Variants in CREB3 observed in about 807,000 individuals in gnomAD.
CREB3 encodes the protein cAMP responsive element binding protein 3, also known as cyclic AMP-responsive element-binding protein 3.
Under a neutral mutation model 34.5 loss-of-function variants are expected in CREB3, and 29 were observed. The observed-to-expected ratio is 0.84, with a 90% CI of 0.63 to 1.15. CREB3 has a LOEUF of 1.15. Ranked by LOEUF, CREB3 falls within the 50% of genes most tolerant of loss-of-function variation. The pLI is 0.00. For synonymous variants in CREB3, 187 were observed against 173.9 expected (o/e 1.08, Z -0.59); for missense variants, 447 against 443.4 (o/e 1.01, Z -0.07).
chr9:35,733,312 C>G (rs371479217), intron 3 of CREB3, 30 bp downstream of exon 3: 6 of 1,613,312 alleles, frequency 3.7e-6, no homozygotes, highest in Non-Finnish European at 5.1e-6. Context: ...GGAGATTACT[C>G]TCACATTCCC....
rs761983505 is a variant in CREB3, at chr9:35,732,821, C to T, written c.49C>T (p.Leu17=). The T allele has an allele frequency of 2.8e-5, 45 of 1,614,090 alleles. No individual in the cohort carries two copies. Among genetic ancestry groups the T allele is most frequent in the Non-Finnish European group, 3.6e-5 (43 of 1,180,032 alleles). ...TGACCAAGACCTGCTGGCCTTCCTGCTAGAGGAAAGTGGAGATTTGGGGAC... is the reference window on the plus strand; with the variant it reads ...TGACCAAGACCTGCTGGCCTTCCTGTTAGAGGAAAGTGGAGATTTGGGGAC... ...AGDQDLLAFL[L]EESGDLGTAP... is the part of the protein sequence containing the mutation. Residue 17 remains leucine, a synonymous_variant, in exon 1 of 9, where the codon CTA becomes TTA. Transcript: ENST00000353704. The surrounding 1 kb of genome is among the most constrained non-coding windows in gnomAD (Gnocchi z 5.1).
rs749550389 is a variant in CREB3, at chr9:35,733,074, T to A, written c.208T>A (p.Ser70Thr). 1 of 1,614,198 alleles carries A rather than the reference T, an allele frequency of 6.2e-7. No homozygotes were observed. The highest frequency in any genetic ancestry group is 8.5e-7 in the Non-Finnish European group (1 of 1,180,036). ...AGCGTCGTTGAACATTCTCAGCTCC[T>A]CCAACCCCTGCCTTGTCCACCATGA... ...PPASLNILSS[S>T]NPCLVHHDHT... The change falls in exon 2 of 9, where the codon TCC (serine) becomes ACC (threonine). Residue 70 changes from serine (S) to threonine (T), a missense_variant. Ser to Thr is a moderately conservative substitution (Grantham distance 58). Transcript: ENST00000353704.
In CREB3 at chr9:35,736,109, A is replaced by G. The variant is rs748371725; in HGVS notation, c.673A>G (p.Ser225Gly). 5 of 1,613,378 alleles carry G rather than the reference A, an allele frequency of 3.1e-6. No homozygotes were observed. The highest frequency in any genetic ancestry group is 3.4e-6 in the Non-Finnish European group (4 of 1,179,268). Reference sequence around the variant, plus strand: ...GGTGATTGAGATATCAAACAAAACCAGCAGCAGCAGCACCTGCATCTTGGT... The same window carrying G: ...GGTGATTGAGATATCAAACAAAACCGGCAGCAGCAGCACCTGCATCTTGGT... ...AMVIEISNKT[S>G]SSSTCILVLL... Residue 225 changes from serine (S) to glycine (G), a missense_variant, in exon 7 of 9, where the codon AGC becomes GGC. Transcript: ENST00000353704.
intron 6 of CREB3, 86 bp downstream of exon 6, chr9:35,735,460 A>G: frequency 8.1e-7 from 1 of 1,238,500 alleles, no homozygotes; most frequent in Non-Finnish European, 1.2e-6. Flanking sequence ...TTGATTTCTA[A>G]CTGGGCAGCT....
chr9:35,733,350 C>G, intron 3 of CREB3, 46 bp from the exon 4 acceptor site: 1 of 1,608,888 alleles, frequency 6.2e-7, no homozygotes. Flanking sequence ...CCCCATTCCT[C>G]TCTGACATCC....
rs1341005657 is a variant in CREB3 at position 35,736,960 on chromosome 9, CAG to C, written c.*235_*236del. ...GACCTCCCTGAACATTTCACGCAGT[CAG>C]GGAACAGGTGAGGAAAGAAATAAAT... On this transcript the variant is annotated 3_prime_UTR_variant, in exon 9 of 9. Transcript: ENST00000353704. The C allele has an allele frequency of 1.2e-6, 1 of 830,124 alleles. No homozygotes were observed. The highest frequency in any genetic ancestry group is 1.8e-6 in the Non-Finnish European group (1 of 546,270). The allele number at this position is 830,124 out of a possible 1,614,324, so 51.4% of individuals were successfully genotyped here.
In CREB3 at chr9:35,733,036, T is replaced by G; in HGVS notation, c.170T>G (p.Leu57Arg). The part of the protein sequence containing the change: ...DWEVDDLLCS[L>R]LSPPASLNIL... ...GAAGTAGATGATTTGCTGTGCTCCC[T>G]GCTGAGTCCCCCAGCGTCGTTGAAC... Residue 57 changes from leucine to arginine, a missense_variant, in exon 2 of 9, where the codon CTG becomes CGG. By Grantham distance (102) the Leu-to-Arg change is moderately radical (BLOSUM62 -2). Coordinates refer to ENST00000353704, the MANE Select transcript of CREB3 (RefSeq NM_006368.5). 1 of 1,614,268 alleles carries G rather than the reference T, an allele frequency of 6.2e-7. No individual in the cohort carries two copies. Among genetic ancestry groups the G allele is most frequent in the Non-Finnish European group, 8.5e-7 (1 of 1,180,044 alleles).
Position 35,732,673 on chromosome 9 carries a change from G to C in CREB3, c.-100G>C, listed in dbSNP as rs1326573134. 3.4e-6 allele frequency: 5 copies of C among 1,484,344 alleles called. No homozygotes were observed. In the East Asian group the frequency reaches 1.1e-4, roughly 34 times the overall value. The allele number at this position is 1,484,344 out of a possible 1,614,324, so 91.9% of individuals were successfully genotyped here. ...CGGCGGGGAATCCCGGCCGTAGAGG[G>C]ACAGTGGATAGGTGCCCGAGGCCTA... On this transcript the variant is annotated 5_prime_UTR_variant, in exon 1 of 9. Transcript: ENST00000353704. This position sits in a 1 kb window ranked among gnomAD's most constrained non-coding sequence, Gnocchi z 5.1.
Position 35,735,173 on chromosome 9 carries a change from G to A in CREB3, c.500G>A (p.Ser167Asn), listed in dbSNP as rs973209337. The A allele has an allele frequency of 6.2e-7, 1 of 1,603,450 alleles. No individual in the cohort carries two copies. Among genetic ancestry groups the A allele is most frequent in the Non-Finnish European group, 8.5e-7 (1 of 1,177,548 alleles). ...CGAAATAAAAGATCTGCTCAAGAGA[G>A]CCGCAGGAAAAAGAAGGTGTATGTT... is the stretch of plus-strand genomic sequence containing the variant. ...KIRNKRSAQE[S>N]RRKKKVYVGG... Residue 167 changes from serine (S) to asparagine (N), a missense_variant, in exon 5 of 9, where the codon AGC (serine) becomes AAC (asparagine). By Grantham distance (46) the Ser-to-Asn change is conservative (BLOSUM62 1). Transcript: ENST00000353704.
At chr9:35,734,083 C>G (rs1826149934) in intron 4 of CREB3, among the ~76,000 whole-genome samples, 2 of 152,106 alleles carry the variant, frequency 1.3e-5, no homozygotes, top group Admixed American at 1.3e-4. Context: ...AGGTGATTCT[C>G]CCACCTCAGC....
rs118043069 is a variant in CREB3 at position 35,736,731 on chromosome 9, G to T, written c.*5G>T. 4,741 of 1,596,980 alleles carry T rather than the reference G, an allele frequency of 3.0e-3. 10 individuals are homozygous for T. Among genetic ancestry groups the T allele is most frequent in the Middle Eastern group, 7.4e-3 (44 of 5,948 alleles). On this transcript the variant is annotated 3_prime_UTR_variant, in exon 9 of 9. Transcript: ENST00000353704. Reference sequence around the variant, plus strand: ...CAGGACAGATACTCAGGCTAGATATGAGGATATGTGGGGGGTCTCAGCAGG... The same window carrying T: ...CAGGACAGATACTCAGGCTAGATATTAGGATATGTGGGGGGTCTCAGCAGG...
chr9:35,733,138 A>T lies in CREB3; in HGVS notation c.272A>T (p.Asp91Val), dbSNP rs1373952025. 6.2e-7 allele frequency: 1 copy of T among 1,614,118 alleles called. No individual in the cohort carries two copies. Among genetic ancestry groups the T allele is most frequent in the Non-Finnish European group, 8.5e-7 (1 of 1,180,018 alleles). ...CTCCCACGGGAAACTGTCTCTATGG[A>T]TCTAGGTGAGTCTGAAATAAGTTTG... ...YSLPRETVSM[D>V]LESESCRKEG... Residue 91 changes from aspartate to valine, a missense_variant, in exon 2 of 9, where the codon GAT becomes GTT. Transcript: ENST00000353704.
Position 35,733,464 on chromosome 9 carries a change from T to C in CREB3, c.414T>C (p.Pro138=). The C allele has an allele frequency of 1.2e-6, 2 of 1,612,750 alleles. No individual in the cohort carries two copies. Among genetic ancestry groups the C allele is most frequent in the Non-Finnish European group, 1.7e-6 (2 of 1,178,718 alleles). Residue 138 remains proline, a synonymous_variant, in exon 4 of 9, where the codon CCT becomes CCC. Transcript: ENST00000353704. The part of the protein sequence containing the change: ...SLLEKEGLIL[P]ETLPLTKTEE... Reference sequence around the variant, plus strand: ...TGGAGAAGGAGGGGCTTATTCTGCCTGAGACACTTCCTCTCACTAAGGTAA... The same window carrying C: ...TGGAGAAGGAGGGGCTTATTCTGCCCGAGACACTTCCTCTCACTAAGGTAA...
At chr9:35,733,193 A>AT in intron 2 of CREB3, 22 bp from the exon 3 acceptor site, 1 of 1,614,168 alleles carries the variant, frequency 6.2e-7, no homozygotes, top group Non-Finnish European at 8.5e-7. Flanking sequence ...GGGCCTGGCT[A>AT]TTCATACTTT....
rs538949017 is a variant in CREB3, at chr9:35,736,033, C to G, written c.612-15C>G. The G allele has an allele frequency of 6.2e-7, 1 of 1,605,720 alleles. No homozygotes were observed. The highest frequency in any genetic ancestry group is 2.2e-5 in the East Asian group (1 of 44,826). On this transcript the variant is annotated splice_polypyrimidine_tract_variant and intron_variant, in intron 6 of 8. Transcript: ENST00000353704. ...GGCCAGGGGATGCTCACTATTGGCC[C>G]CTCTCTTCCTCTAGGTCCCTTCTAG... is the stretch of plus-strand genomic sequence containing the variant.
Position 35,735,110 on chromosome 9 carries a change from CAG to C in CREB3, c.440_441del (p.Glu147GlyfsTer14). ...ATCCCTTTCCCTGTTTCCTTTCAGA[CAG>C]AGGAACAAATTCTGAAACGTGTGCG... On this transcript the variant is annotated frameshift_variant and splice_region_variant, in exon 5 of 9. Transcript: ENST00000353704. LOFTEE classifies it high-confidence loss of function. 1 of 1,598,534 alleles carries C rather than the reference CAG, an allele frequency of 6.3e-7. No individual in the cohort carries two copies. Among genetic ancestry groups the C allele is most frequent in the Non-Finnish European group, 8.5e-7 (1 of 1,175,992 alleles).
chr9:35,733,076 C>T lies in CREB3; in HGVS notation c.210C>T (p.Ser70=), dbSNP rs774627818. 8 of 1,614,210 alleles carry T rather than the reference C, an allele frequency of 5.0e-6. No homozygotes were observed. The Middle Eastern group carries it at 4.9e-4, about 100-fold the overall frequency. ...PPASLNILSS[S]NPCLVHHDHT... ...CGTCGTTGAACATTCTCAGCTCCTC[C>T]AACCCCTGCCTTGTCCACCATGACC... Residue 70 remains serine, a synonymous_variant, in exon 2 of 9, where the codon TCC becomes TCT. Transcript: ENST00000353704.
In CREB3 at chr9:35,734,380, C is replaced by T. The variant is rs1044595958; in HGVS notation, c.436-729C>T. Among the ~76,000 whole-genome samples the T allele has an allele frequency of 3.9e-5, 6 of 152,074 alleles. No individual in the cohort carries two copies. In the South Asian group the frequency reaches 1.0e-3, roughly 26 times the overall value. The stretch of plus-strand genomic sequence containing the variant: ...ACTCTCTTGCTTTCCTTGATACTGG[C>T]TAGAGCACATCTTTGACAGATACTA... On this transcript the variant is annotated intron_variant, in intron 4 of 8. Coordinates refer to ENST00000353704, the MANE Select transcript of CREB3 (RefSeq NM_006368.5).
chr9:35,736,155 A>T, intron 7 of CREB3, 23 bp downstream of exon 7: 1 of 1,613,112 alleles, frequency 6.2e-7, no homozygotes, highest in Non-Finnish European at 8.5e-7. Context: ...ATGAGGGGAG[A>T]AATCCTTTTC....
Sources: gnomAD v4.1 joint callset for allele counts (sites outside exome capture counted in the v4.1 genomes callset) on GRCh38, gnomAD v4.1.1 for gene constraint, Gnocchi (gnomAD v3.1) non-coding constraint, MANE v1.5 for transcripts, NCBI Gene and HGNC (gene_info 2026-07-23, HGNC 2026-07-21) for gene names.